The following EYA1 variants were observed in gnomAD, a reference collection of about 807,000 sequenced individuals.
The protein encoded by EYA1 is protein phosphatase EYA1.
In EYA1, 16 loss-of-function variants were observed where a neutral mutation model predicts 82.0. That is an observed-to-expected ratio of 0.20 (90% CI 0.13 to 0.30). EYA1 has a LOEUF of 0.30. Ranked by LOEUF, EYA1 falls within the 10% of genes least tolerant of loss-of-function variation. EYA1 has a pLI of 1.00. For synonymous variants in EYA1, 261 were observed against 264.4 expected (o/e 0.99, Z 0.12); for missense variants, 633 against 730.7 (o/e 0.87, Z 1.54).
At chr8:71,300,704 C>G (rs1175680463) in intron 7 of EYA1, among the ~76,000 whole-genome samples, 1 of 151,942 alleles carries the variant, frequency 6.6e-6, no homozygotes, top group African/African-American at 2.4e-5. Flanking sequence ...ATAAGAAAAC[C>G]TAGGGAAGCA....
intron 3 of EYA1, 86 bp downstream of exon 3, chr8:71,354,696 A>T: frequency 3.0e-6 from 4 of 1,342,444 alleles, no homozygotes; most frequent in Non-Finnish European, 4.3e-6. Context: ...TGATTTTGAC[A>T]ACTGAAATCA....
intron 11 of EYA1, among the ~76,000 whole-genome samples, chr8:71,259,264 G>A (rs1814809562): frequency 1.3e-5 from 2 of 152,098 alleles, no homozygotes; most frequent in Admixed American, 1.3e-4. Context: ...GCAGACTGGA[G>A]ATGCCCGCCC....
At chr8:71,444,953 T>C (rs1438781980) in intron 2 of EYA1, among the ~76,000 whole-genome samples, 2 of 152,212 alleles carry the variant, frequency 1.3e-5, no homozygotes, top group African/African-American at 4.8e-5. Flanking sequence ...GCTAGAGATG[T>C]TAATTCAAAC....
At chr8:71,316,805 A>C (rs901272859) in intron 7 of EYA1, among the ~76,000 whole-genome samples, 1 of 152,216 alleles carries the variant, frequency 6.6e-6, no homozygotes, top group Non-Finnish European at 1.5e-5. Flanking sequence ...AAGACAAGAT[A>C]TTAGGAAAAT....
At chr8:71,234,159 T>C (rs556472732) in intron 12 of EYA1, among the ~76,000 whole-genome samples, 10 of 152,350 alleles carry the variant, frequency 6.6e-5, no homozygotes, top group Admixed American at 2.0e-4. Context: ...TCTGTCTTGC[T>C]ATCCAAGGAC....
chr8:71,357,038 TGTCATTTA>T (rs1343010155), intron 1 of EYA1, among the ~76,000 whole-genome samples: 3 of 152,222 alleles, frequency 2.0e-5, no homozygotes, highest in Non-Finnish European at 4.4e-5. Context: ...ATTTACTATT[TGTCATTTA>T]ACATTCACTA....
intron 9 of EYA1, among the ~76,000 whole-genome samples, chr8:71,282,109 C>T (rs934735530): frequency 7.2e-5 from 11 of 152,216 alleles, no homozygotes; most frequent in African/African-American, 2.7e-4. Context: ...CTCTCCCCAC[C>T]CGTAAGTACT....
chr8:71,238,311 G>A (rs1447889842), intron 12 of EYA1, among the ~76,000 whole-genome samples: 2 of 152,114 alleles, frequency 1.3e-5, no homozygotes, highest in African/African-American at 2.4e-5. Flanking sequence ...AATTCTTCAC[G>A]CTATTGTAGA....
At chr8:71,321,219 T>C (rs937110123) in intron 6 of EYA1, among the ~76,000 whole-genome samples, 6 of 152,176 alleles carry the variant, frequency 3.9e-5, no homozygotes, top group African/African-American at 7.2e-5. Context: ...ATTTGCCTCT[T>C]CAAAGTACAC....
In EYA1 at chr8:71,198,294, G is replaced by C. The variant is rs930270938; in HGVS notation, c.*1046C>G. 1.3e-5 allele frequency: 2 copies of C among 152,572 alleles called. No homozygotes were observed. The highest frequency in any genetic ancestry group is 4.8e-5 in the African/African-American group (2 of 41,428). 9.5% of individuals were successfully genotyped at this position (152,572 alleles called of 1,614,324 possible). On this transcript the variant is annotated 3_prime_UTR_variant, in exon 18 of 18. Transcript: ENST00000340726. Reference sequence around the variant, plus strand: ...GAAATGAAAAAGTGAGGTGGTAGGAGAGCTCATTTTGTTTCAAATTGTTTA... The same window carrying C: ...GAAATGAAAAAGTGAGGTGGTAGGACAGCTCATTTTGTTTCAAATTGTTTA...
At chr8:71,419,635 C>T (rs1020363785) in intron 2 of EYA1, among the ~76,000 whole-genome samples, 7 of 152,070 alleles carry the variant, frequency 4.6e-5, no homozygotes, top group Admixed American at 1.3e-4. Context: ...GGGTTCATTA[C>T]ACTATTCTTT....
intron 2 of EYA1, among the ~76,000 whole-genome samples, chr8:71,444,667 A>T (rs1238965990): frequency 6.6e-6 from 1 of 152,000 alleles, no homozygotes; most frequent in African/African-American, 2.4e-5. Context: ...CTTCTTGCAT[A>T]CAGCAGGTAT....
chr8:71,317,505 C>T, intron 7 of EYA1, 47 bp downstream of exon 7: 1 of 1,599,384 alleles, frequency 6.3e-7, no homozygotes, highest in Non-Finnish European at 8.6e-7. Context: ...TAGAAGTTAA[C>T]TATCAACCTA....
At chr8:71,416,961 A>AC (rs1470420527) in intron 2 of EYA1, among the ~76,000 whole-genome samples, 1 of 152,194 alleles carries the variant, frequency 6.6e-6, no homozygotes, top group Non-Finnish European at 1.5e-5. Context: ...AGGCAGACCC[A>AC]CCCTCAATCT....
chr8:71,288,524 A>G (rs961129924), intron 9 of EYA1, among the ~76,000 whole-genome samples: 1 of 152,228 alleles, frequency 6.6e-6, no homozygotes, highest in African/African-American at 2.4e-5. Flanking sequence ...GGTCTTCTGC[A>G]AAAGAATCTA....
intron 2 of EYA1, among the ~76,000 whole-genome samples, chr8:71,492,465 A>AT (rs200187985): frequency 2.3e-3 from 273 of 119,626 alleles, no homozygotes; most frequent in Middle Eastern, 7.6e-3. Context: ...TTTATTTATT[A>AT]TTATTTTTTT....
chr8:71,320,783 G>A (rs1171889768), intron 6 of EYA1, among the ~76,000 whole-genome samples: 5 of 152,004 alleles, frequency 3.3e-5, no homozygotes, highest in South Asian at 4.2e-4. Flanking sequence ...TTAAAGAAGA[G>A]CATTAATTCT....
At chr8:71,267,844 G>A (rs1046033627) in intron 11 of EYA1, among the ~76,000 whole-genome samples, 6 of 152,014 alleles carry the variant, frequency 3.9e-5, no homozygotes, top group African/African-American at 9.7e-5. Context: ...CACCGCGCCC[G>A]GCCGAGATAA....
At chr8:71,280,159 T>G (rs769063311) in intron 9 of EYA1, among the ~76,000 whole-genome samples, 12 of 152,194 alleles carry the variant, frequency 7.9e-5, no homozygotes, top group Non-Finnish European at 1.3e-4. Context: ...CCAGGCTCTT[T>G]GTAGTCAGCT....
Sources: gnomAD v4.1 joint callset for allele counts (sites outside exome capture counted in the v4.1 genomes callset) on GRCh38, gnomAD v4.1.1 for gene constraint, MANE v1.5 for transcripts, NCBI Gene and HGNC (gene_info 2026-07-23, HGNC 2026-07-21) for gene names.